The following CNNM2 variants were observed in gnomAD, a reference collection of about 807,000 sequenced individuals.
CNNM2 encodes metal transporter CNNM2.
CNNM2 carries 12 observed loss-of-function variants against 66.9 expected under a neutral mutation model. That is an observed-to-expected ratio of 0.18 (90% CI 0.11 to 0.29). The LOEUF (loss-of-function observed/expected upper bound fraction) is 0.29, where lower values mean the gene tolerates loss of function less well. Among genes scored for constraint, CNNM2 ranks in the 10% least tolerant of loss-of-function variants. The pLI, the probability that CNNM2 is intolerant of heterozygous loss-of-function variation, is 1.00. For missense variants in CNNM2, 705 were observed against 1,167.7 expected (o/e 0.60, Z 5.77); for synonymous variants, 557 against 501.8 (o/e 1.11, Z -1.47).
At position 103,089,841 on chromosome 10, in the gene CNNM2, G is replaced by A. The variant is rs908461351; in HGVS notation, c.*12661G>A. The A allele has an allele frequency of 1.9e-6, 3 of 1,614,066 alleles. No individual in the cohort carries two copies. The highest frequency in any genetic ancestry group is 2.5e-6 in the Non-Finnish European group (3 of 1,180,010). ...GAAATCCACTGATGTGCGGTTCCGGGTGGCAAGAGGAGACTCCATCTCATT... is the reference window on the plus strand; with the variant it reads ...GAAATCCACTGATGTGCGGTTCCGGATGGCAAGAGGAGACTCCATCTCATT... On this transcript the variant is annotated 3_prime_UTR_variant, in exon 8 of 8. Transcript: ENST00000369878.
chr10:102,965,921 T>C (rs551091189), intron 1 of CNNM2, among the ~76,000 whole-genome samples: 5 of 152,252 alleles, frequency 3.3e-5, no homozygotes, highest in African/African-American at 9.6e-5. Flanking sequence ...TAAACAGTTC[T>C]TCAGGGGAAA....
intron 4 of CNNM2, among the ~76,000 whole-genome samples, chr10:103,059,243 G>T (rs2065344190): frequency 6.6e-6 from 1 of 152,060 alleles, no homozygotes; most frequent in Non-Finnish European, 1.5e-5. Flanking sequence ...CAAAGCACTG[G>T]GATTACAAGC....
Position 103,079,516 on chromosome 10 carries a change from CCTAA to C in CNNM2, c.*2337_*2340del, listed in dbSNP as rs1277861036. Reference sequence around the variant, plus strand: ...AGAGCTCTGCTGTTCCTTTATAAATCCTAAAGAACTGAGTCTGGGGAGAGGAGAG... The same window carrying C: ...AGAGCTCTGCTGTTCCTTTATAAATCAGAACTGAGTCTGGGGAGAGGAGAG... On this transcript the variant is annotated 3_prime_UTR_variant, in exon 8 of 8. Coordinates refer to ENST00000369878, the MANE Select transcript of CNNM2 (RefSeq NM_017649.5). 1.3e-5 allele frequency: 2 copies of C among 152,252 alleles called. No individual in the cohort carries two copies. Among genetic ancestry groups the C allele is most frequent in the African/African-American group, 4.8e-5 (2 of 41,432 alleles). The allele number at this position is 152,252 out of a possible 1,614,324, so 9.4% of individuals were successfully genotyped here.
In CNNM2 at chr10:103,076,228, C is replaced by G; in HGVS notation, c.2376C>G (p.Pro792=). The change falls in exon 7 of 8, where the codon CCC becomes CCG. Residue 792 remains proline, a synonymous_variant. Transcript: ENST00000369878. ...LNSSLLQVYI[P]DYSVRALSDL... The stretch of plus-strand genomic sequence containing the variant: ...CTTCGCTCCTCCAAGTCTACATCCC[C>G]GATTACTCGGTGCGAGCCCTTTCGG... The G allele has an allele frequency of 6.3e-7, 1 of 1,576,676 alleles. No individual in the cohort carries two copies. Among genetic ancestry groups the G allele is most frequent in the Non-Finnish European group, 8.6e-7 (1 of 1,160,820 alleles).
chr10:102,967,522 ATAGG>A (rs1251420334), intron 1 of CNNM2, among the ~76,000 whole-genome samples: 4 of 152,032 alleles, frequency 2.6e-5, no homozygotes, highest in African/African-American at 9.7e-5. Flanking sequence ...AAAAGGAATC[ATAGG>A]TAGTCTTTTT....
At chr10:103,034,554 T>C (rs1433896930) in intron 1 of CNNM2, among the ~76,000 whole-genome samples, 1 of 152,190 alleles carries the variant, frequency 6.6e-6, no homozygotes, top group Non-Finnish European at 1.5e-5. Flanking sequence ...TAATTACTGA[T>C]CTTGTCTACT....
chr10:102,985,854 G>A (rs2063789537), intron 1 of CNNM2, among the ~76,000 whole-genome samples: 1 of 152,220 alleles, frequency 6.6e-6, no homozygotes, highest in Non-Finnish European at 1.5e-5. Context: ...CAACTGAGGA[G>A]TGATGTCTCC....
At chr10:103,019,268 CAAAA>C (rs545630160) in intron 1 of CNNM2, among the ~76,000 whole-genome samples, 3 of 63,596 alleles carry the variant, frequency 4.7e-5, no homozygotes, top group Admixed American at 1.8e-4. Flanking sequence ...GACCCTGTCT[CAAAA>C]AAAAAAAAAA....
intron 4 of CNNM2, among the ~76,000 whole-genome samples, chr10:103,063,183 G>C (rs2065417587): frequency 6.6e-6 from 1 of 152,314 alleles, no homozygotes; most frequent in African/African-American, 2.4e-5. Context: ...TAGCAAACTT[G>C]CTGAGTCTGG....
intron 1 of CNNM2, among the ~76,000 whole-genome samples, chr10:102,951,656 A>G (rs1187037737): frequency 1.8e-5 from 2 of 113,036 alleles, no homozygotes; most frequent in Admixed American, 1.8e-4. Context: ...TTTTTTTTTT[A>G]CAGACAAGGT....
chr10:102,942,862 G>A (rs1274591225), intron 1 of CNNM2, among the ~76,000 whole-genome samples: 1 of 152,130 alleles, frequency 6.6e-6, no homozygotes, highest in African/African-American at 2.4e-5. Flanking sequence ...TTAATAACAT[G>A]GGGGAGATTA....
chr10:103,051,601 A>G (rs889481289), intron 2 of CNNM2, among the ~76,000 whole-genome samples: 2 of 150,652 alleles, frequency 1.3e-5, no homozygotes, highest in Middle Eastern at 3.6e-3. Flanking sequence ...TCAGCTGGGC[A>G]TGGTGGCACG....
intron 1 of CNNM2, among the ~76,000 whole-genome samples, chr10:103,033,468 A>G (rs2064869214): frequency 6.8e-6 from 1 of 147,416 alleles, no homozygotes; most frequent in East Asian, 2.0e-4. Context: ...GGGATTACAA[A>G]TAGGCGTGAG....
Position 103,089,739 on chromosome 10 carries a change from GC to G in CNNM2, c.*12561del. ...ATGGCAGTGTGTAATTTCCTGGGGGGCCAGTGGGAAGAGGTTGGGAGGTTTA... is the reference window on the plus strand; with the variant it reads ...ATGGCAGTGTGTAATTTCCTGGGGGGCAGTGGGAAGAGGTTGGGAGGTTTA... On this transcript the variant is annotated 3_prime_UTR_variant, in exon 8 of 8. Coordinates refer to ENST00000369878, the MANE Select transcript of CNNM2 (RefSeq NM_017649.5). 1 of 1,613,686 alleles carries G rather than the reference GC, an allele frequency of 6.2e-7. No homozygotes were observed. Among genetic ancestry groups the G allele is most frequent in the Non-Finnish European group, 8.5e-7 (1 of 1,179,892 alleles).
chr10:103,020,796 G>A (rs773464638), intron 1 of CNNM2, among the ~76,000 whole-genome samples: 2 of 72,960 alleles, frequency 2.7e-5, no homozygotes, highest in African/African-American at 1.0e-4. Flanking sequence ...GGCGAAGGGC[G>A]CATGAGGGTG....
intron 1 of CNNM2, among the ~76,000 whole-genome samples, chr10:102,968,408 G>A (rs1026263961): frequency 6.6e-6 from 1 of 151,878 alleles, no homozygotes; most frequent in African/African-American, 2.4e-5. Flanking sequence ...CACCAAGCCC[G>A]GCTAATTTTT....
rs571019939 is a variant in CNNM2 at position 103,086,080 on chromosome 10, T to G, written c.*8900T>G. ...TTCTGGAAGTCACCTGTTTCTGCTT[T>G]CTGGTTGCCTGTGCCTGTGGTCATC... On this transcript the variant is annotated 3_prime_UTR_variant, in exon 8 of 8. Transcript: ENST00000369878. The G allele has an allele frequency of 6.6e-6, 1 of 152,610 alleles. No individual in the cohort carries two copies. Among genetic ancestry groups the G allele is most frequent in the East Asian group, 1.9e-4 (1 of 5,194 alleles). 9.5% of individuals were successfully genotyped at this position (152,610 alleles called of 1,614,324 possible).
chr10:103,007,962 C>T (rs947935785), intron 1 of CNNM2, among the ~76,000 whole-genome samples: 10 of 152,332 alleles, frequency 6.6e-5, no homozygotes, highest in African/African-American at 1.7e-4. Context: ...TCCTCTGCCG[C>T]GGCTCCAGCC....
At chr10:102,993,567 T>C (rs1428149721) in intron 1 of CNNM2, among the ~76,000 whole-genome samples, 2 of 152,226 alleles carry the variant, frequency 1.3e-5, no homozygotes, top group Non-Finnish European at 2.9e-5. Flanking sequence ...TAGTGGATTG[T>C]TTCCTCCTAT....
Sources: gnomAD v4.1 joint callset for allele counts (sites outside exome capture counted in the v4.1 genomes callset) on GRCh38, gnomAD v4.1.1 for gene constraint, MANE v1.5 for transcripts, NCBI Gene and HGNC (gene_info 2026-07-23, HGNC 2026-07-21) for gene names.